Variants in ZNF248 observed in about 807,000 individuals in gnomAD.
ZNF248 encodes KRAB protein domain.
In ZNF248, 20 loss-of-function variants were observed where a neutral mutation model predicts 44.3. The observed-to-expected ratio is 0.45, with a 90% CI of 0.32 to 0.66. ZNF248 has a LOEUF of 0.66. ZNF248 is among the 30% of genes least tolerant of loss of function. The probability of loss-of-function intolerance (pLI) is 0.04; values close to 1 mark genes in which losing one functional copy is unlikely to be tolerated. For missense variants in ZNF248, 654 were observed against 677.0 expected (o/e 0.97, Z 0.38); for synonymous variants, 224 against 229.0 (o/e 0.98, Z 0.20).
At chr10:37,841,241 G>T (rs1194298134) in intron 3 of ZNF248, among the ~76,000 whole-genome samples, 1 of 152,074 alleles carries the variant, frequency 6.6e-6, no homozygotes, top group Admixed American at 6.5e-5. Flanking sequence ...TAATTTCCAA[G>T]AATGTTTTGA....
In ZNF248 at chr10:37,832,079, G is replaced by A; in HGVS notation, c.1276C>T (p.His426Tyr). 6.2e-7 allele frequency: 1 copy of A among 1,613,998 alleles called. No homozygotes were observed. The highest frequency in any genetic ancestry group is 8.5e-7 in the Non-Finnish European group (1 of 1,179,958). The change falls in exon 6 of 6, where the codon CAT (histidine) becomes TAT (tyrosine). Residue 426 changes from histidine (H) to tyrosine (Y), a missense_variant. Physicochemically the swap from His to Tyr is moderately conservative, Grantham distance 83 (BLOSUM62 2). Coordinates refer to ENST00000395867, the MANE Select transcript of ZNF248 (RefSeq NM_021045.3). ...AFCQKPHLTN[H>Y]QRTHTGEKPY... is the part of the protein sequence containing the mutation. ...TTTTCTCCTGTATGTGTTCGCTGAT[G>A]GTTGGTCAGGTGTGGTTTCTGGCAA...
downstream of ZNF248, among the ~76,000 whole-genome samples, chr10:37,774,387 A>ACTT (rs1168623397): frequency 1.3e-5 from 2 of 152,232 alleles, no homozygotes; most frequent in African/African-American, 4.8e-5. Flanking sequence ...GAGAGCTATC[A>ACTT]CTTTAAAAGC....
the ZNF248 span, among the ~76,000 whole-genome samples, chr10:37,762,628 A>C: frequency 6.6e-6 from 1 of 152,226 alleles, no homozygotes; most frequent in Non-Finnish European, 1.5e-5. Flanking sequence ...AAGTATTTAT[A>C]GCATTTTATA....
chr10:37,806,955 T>C (rs868815328), intron 6 of ZNF248, among the ~76,000 whole-genome samples: 2 of 151,440 alleles, frequency 1.3e-5, no homozygotes, highest in Middle Eastern at 3.2e-3. Flanking sequence ...CTTCATTCTT[T>C]TGCATGTCAA....
chr10:37,815,815 A>C (rs1487231221), intron 6 of ZNF248, among the ~76,000 whole-genome samples: 1 of 151,986 alleles, frequency 6.6e-6, no homozygotes, highest in East Asian at 1.9e-4. Flanking sequence ...TTTATTTTTA[A>C]AAAATAGTTA....
chr10:37,823,113 A>G (rs987906101), intron 6 of ZNF248, among the ~76,000 whole-genome samples: 1 of 152,048 alleles, frequency 6.6e-6, no homozygotes, highest in Non-Finnish European at 1.5e-5. Context: ...AGGTGGGCCA[A>G]TCACGAGGTC....
At chr10:37,821,731 T>C (rs1206524687) in intron 6 of ZNF248, among the ~76,000 whole-genome samples, 1 of 152,156 alleles carries the variant, frequency 6.6e-6, no homozygotes, top group Non-Finnish European at 1.5e-5. Context: ...CTCAAAAGCC[T>C]TTACCTACAT....
intron 6 of ZNF248, among the ~76,000 whole-genome samples, chr10:37,804,131 TTC>T (rs1186228722): frequency 2.0e-5 from 3 of 147,376 alleles, no homozygotes; most frequent in Non-Finnish European, 3.0e-5. Context: ...GAGACAGGGT[TTC>T]TCTCTCTGTC....
chr10:37,832,423 G>A lies in ZNF248; in HGVS notation c.932C>T (p.Ala311Val), dbSNP rs1178972569. Residue 311 changes from alanine to valine, a missense_variant, in exon 6 of 6, where the codon GCT (alanine) becomes GTT (valine). Ala to Val is a moderately conservative substitution (Grantham distance 64). Transcript: ENST00000395867. The stretch of plus-strand genomic sequence containing the variant: ...GTAAGCTCCCTGATGGATAATGAAA[G>A]CTGAATTGTCACAGAAGATTTCCCC... Reference protein sequence around the residue: ...EYGEIFCDNSAFIIHQGAYTR... With the variant: ...EYGEIFCDNSVFIIHQGAYTR... The A allele has an allele frequency of 6.2e-7, 1 of 1,613,946 alleles. No individual in the cohort carries two copies. Among genetic ancestry groups the A allele is most frequent in the Non-Finnish European group, 8.5e-7 (1 of 1,179,946 alleles).
At chr10:37,804,101 C>CTTTTTTTT (rs59261731) in intron 6 of ZNF248, among the ~76,000 whole-genome samples, 40 of 124,912 alleles carry the variant, frequency 3.2e-4, no homozygotes, top group South Asian at 5.1e-4. Flanking sequence ...TTTTCTTTTT[C>CTTTTTTTT]TTTTTTTTTT....
In ZNF248 at chr10:37,819,887, T is replaced by A. The variant is rs544209262; in HGVS notation, c.330+13138A>T. ...GAATTTATCCTTTTCTGATGCTTGA[T>A]AAGATTCTGAAAAGCATAACCATCT... On this transcript the variant is annotated intron_variant, in intron 6 of 6. Coordinates refer to the ZNF248 transcript ENST00000615949. 6 of 777,400 alleles carry A rather than the reference T, an allele frequency of 7.7e-6. No homozygotes were observed. The East Asian group carries it at 1.5e-4, about 19-fold the overall frequency. The allele number at this position is 777,400 out of a possible 1,614,324, so 48.2% of individuals were successfully genotyped here. A position where few individuals can be genotyped will look rare whatever the true frequency, so the allele number is the denominator to read the frequency against.
At chr10:37,764,424 G>A in the ZNF248 span, among the ~76,000 whole-genome samples, 1 of 152,178 alleles carries the variant, frequency 6.6e-6, no homozygotes, top group East Asian at 1.9e-4. Context: ...TTTCACCCCA[G>A]TCCTGTGATT....
At chr10:37,820,981 AT>A in intron 6 of ZNF248, 1 of 1,588,470 alleles carries the variant, frequency 6.3e-7, no homozygotes. Flanking sequence ...TTCTTCCATC[AT>A]TTCTGGCTGG....
intron 6 of ZNF248, among the ~76,000 whole-genome samples, chr10:37,809,269 C>G (rs930690461): frequency 7.6e-6 from 1 of 131,126 alleles, no homozygotes; most frequent in Non-Finnish European, 1.6e-5. Flanking sequence ...GAGCTTAGTT[C>G]TTTTTATTTA....
At chr10:37,838,170 T>A in intron 3 of ZNF248, 59 bp from the exon 4 acceptor site, 2 of 1,508,588 alleles carry the variant, frequency 1.3e-6, no homozygotes, top group Non-Finnish European at 1.8e-6. Context: ...CAGAAAAGAT[T>A]TAAGAGAACT....
intron 6 of ZNF248, among the ~76,000 whole-genome samples, chr10:37,812,031 T>C (rs1175792167): frequency 6.6e-6 from 1 of 151,706 alleles, no homozygotes; most frequent in Admixed American, 6.6e-5. Flanking sequence ...AGCCCAGGAG[T>C]TCGAGACCAG....
the ZNF248 span, among the ~76,000 whole-genome samples, chr10:37,770,412 G>A: frequency 6.6e-6 from 1 of 152,182 alleles, no homozygotes; most frequent in Admixed American, 6.5e-5. Flanking sequence ...CATGGTACTG[G>A]TACCAAAACA....
chr10:37,769,891 A>T, the ZNF248 span, among the ~76,000 whole-genome samples: 1 of 152,194 alleles, frequency 6.6e-6, no homozygotes, highest in African/African-American at 2.4e-5. Context: ...CTCAGCCCAA[A>T]ATCTCCTTAA....
In ZNF248 at chr10:37,829,880, C is replaced by T. The variant is rs750307342; in HGVS notation, c.*1735G>A. 43 of 985,418 alleles carry T rather than the reference C, an allele frequency of 4.4e-5. No individual in the cohort carries two copies. Among genetic ancestry groups the T allele is most frequent in the Non-Finnish European group, 5.2e-5 (43 of 829,942 alleles). 61.0% of individuals were successfully genotyped at this position (985,418 alleles called of 1,614,324 possible). ...ATTAAAATGGAACTTCCATGATTAG[C>T]TTTGACTAATCTGGACTTACCACCT... is the stretch of plus-strand genomic sequence containing the variant. On this transcript the variant is annotated 3_prime_UTR_variant, in exon 6 of 6. Transcript: ENST00000395867.
Sources: allele counts gnomAD v4.1 joint callset (sites outside exome capture counted in the v4.1 genomes callset), GRCh38; gene constraint gnomAD v4.1.1; transcripts MANE v1.5; gene names NCBI Gene and HGNC (gene_info 2026-07-23, HGNC 2026-07-21).